The following FTCD variants were observed in gnomAD, a reference collection of about 807,000 sequenced individuals.
The protein encoded by FTCD is formimidoyltransferase-cyclodeaminase.
A neutral mutation model predicts 62.9 loss-of-function variants in FTCD; 76 were observed. That is an observed-to-expected ratio of 1.21 (90% confidence interval 1.00 to 1.46). The LOEUF (loss-of-function observed/expected upper bound fraction) is 1.46. Ranked by LOEUF, FTCD falls within the 40% of genes most tolerant of loss-of-function variation. The pLI is 0.00. For missense variants in FTCD, 845 were observed against 751.3 expected (o/e 1.12, Z -1.46); for synonymous variants, 397 against 336.9 (o/e 1.18, Z -1.95).
rs2079119158 is a variant in FTCD at position 46,145,500 on chromosome 21, G to C, written c.1177C>G (p.Arg393Gly). Residue 393 changes from arginine (R) to glycine (G), a missense_variant, in exon 10 of 14, where the codon CGC becomes GGC. Transcript: ENST00000397746. ...GCCTCGCGGAAGGGCGGGATCAGGC[G>C]CCGCATCGTCGTGTCCAGGGACTGG... ...QFQSLDTTMR[R>G]LIPPFREASA... 6.4e-7 allele frequency: 1 copy of C among 1,553,464 alleles called. No individual in the cohort carries two copies. Among genetic ancestry groups the C allele is most frequent in the African/African-American group, 1.4e-5 (1 of 73,258 alleles).
At chr21:46,138,699 T>C (rs558891006) in intron 11 of FTCD, 53 bp from the exon 12 acceptor site, 2 of 1,565,868 alleles carry the variant, frequency 1.3e-6, no homozygotes, top group Admixed American at 1.7e-5. Flanking sequence ...AGGCAGGCAG[T>C]GGACACACTG....
chr21:46,138,345 C>T (rs923161119), intron 12 of FTCD, among the ~76,000 whole-genome samples, 163 bp downstream of exon 12: 1 of 152,206 alleles, frequency 6.6e-6, no homozygotes, highest in African/African-American at 2.4e-5. Flanking sequence ...GCAGCGGACA[C>T]CCCGGCCCTG....
chr21:46,152,546 G>C (rs146723990), intron 3 of FTCD: 2 of 225,328 alleles, frequency 8.9e-6, no homozygotes, highest in Non-Finnish European at 1.8e-5. Context: ...GGTTGGTGCA[G>C]CCTAGGGGTG....
intron 7 of FTCD, chr21:46,146,758 C>T (rs1220233849): frequency 9.5e-6 from 2 of 210,852 alleles, no homozygotes; most frequent in Non-Finnish European, 1.9e-5. Flanking sequence ...GTCACCCACA[C>T]ATAAACTTGT....
chr21:46,151,393 C>G (rs1040004963), intron 5 of FTCD, among the ~76,000 whole-genome samples, 165 bp downstream of exon 5: 1 of 152,250 alleles, frequency 6.6e-6, no homozygotes, highest in Non-Finnish European at 1.5e-5. Flanking sequence ...CCTGCGCGGT[C>G]CCCGCACGGT....
At position 46,145,919 on chromosome 21, in the gene FTCD, G is replaced by A. The variant is rs1355632505; in HGVS notation, c.997C>T (p.Arg333Ter). Residue 333 changes from arginine (R) to a stop codon, truncating the protein, a stop_gained, in exon 9 of 14, where the codon CGA becomes TGA. Transcript: ENST00000397746. LOFTEE classifies it high-confidence loss of function. Reference sequence around the variant, plus strand: ...CGCAGGGACTTGCTGCCCAGGCCTCGCTCAGGCCCGCGCTCAGGGACCAGG... The same window carrying A: ...CGCAGGGACTTGCTGCCCAGGCCTCACTCAGGCCCGCGCTCAGGGACCAGG... Reference protein sequence around the residue: ...EYLVPERGPERGLGSKSLRAF... With the variant: ...EYLVPERGPE 4.0e-6 allele frequency: 6 copies of A among 1,501,288 alleles called. No homozygotes were observed. Among genetic ancestry groups the A allele is most frequent in the South Asian group, 2.5e-5 (2 of 80,808 alleles). 93.0% of individuals were successfully genotyped at this position (1,501,288 alleles called of 1,614,324 possible). A position where few individuals can be genotyped will look rare whatever the true frequency, so the allele number is the denominator to read the frequency against.
rs993297527 is a variant in FTCD, at chr21:46,137,196, G to A, written c.1539+43C>T. 9 of 1,579,366 alleles carry A rather than the reference G, an allele frequency of 5.7e-6. No individual in the cohort carries two copies. The African/African-American group carries it at 1.1e-4, about 19-fold the overall frequency. ...AATCACCCTGAGGCTGTGAATCCAG[G>A]CCCCCACGTGGGGTCCGGGCACCAC... On this transcript the variant is annotated intron_variant, in intron 13 of 13. Transcript: ENST00000397746.
At chr21:46,147,626 G>A (rs931827572) in intron 7 of FTCD, among the ~76,000 whole-genome samples, 2 of 152,134 alleles carry the variant, frequency 1.3e-5, no homozygotes, top group African/African-American at 2.4e-5. Context: ...CCGCAGGCAT[G>A]GGGCCCTTCA....
intron 11 of FTCD, 77 bp downstream of exon 11, chr21:46,138,803 C>T (rs1407415384): frequency 6.9e-7 from 1 of 1,445,278 alleles, no homozygotes; most frequent in Non-Finnish European, 9.7e-7. Flanking sequence ...CCCGTCACAG[C>T]ACCCAGGTAC....
Position 46,152,973 on chromosome 21 carries a change from C to T in FTCD, c.301G>A (p.Val101Met), listed in dbSNP as rs61735836. ...TGGGCGCAGAGCACACACTCATCCA[C>T]GCTGACGCCCCTCACGGGGATGAAG... ...CPFIPVRGVSVDECVLCAQAF... is the reference protein window; with the variant it reads ...CPFIPVRGVSMDECVLCAQAF... Residue 101 changes from valine (V) to methionine (M), a missense_variant, in exon 3 of 14, where the codon GTG becomes ATG. Coordinates refer to ENST00000397746, the MANE Select transcript of FTCD (RefSeq NM_206965.2). 0.049 allele frequency: 76,536 copies of T among 1,556,074 alleles called. 2,281 individuals are homozygous for T. The highest frequency in any genetic ancestry group is 0.14 in the East Asian group (5,869 of 41,850).
intron 5 of FTCD, 126 bp downstream of exon 5, chr21:46,151,432 G>A (rs969943054): frequency 2.3e-6 from 2 of 862,824 alleles, no homozygotes; most frequent in African/African-American, 3.4e-5. Flanking sequence ...CCGGTCTGCA[G>A]GTGGGAGGCC....
At position 46,154,344 on chromosome 21, in the gene FTCD, G is replaced by T. The variant is rs2079379110; in HGVS notation, c.55-12C>A. The T allele has an allele frequency of 1.2e-6, 2 of 1,606,260 alleles. No homozygotes were observed. Among genetic ancestry groups the T allele is most frequent in the Middle Eastern group, 2.2e-4 (1 of 4,620 alleles). ...ATGGCGTCGATCACCTGGGACACAG[G>T]CCCGGCCCCCACACCTCAGTCTCCC... On this transcript the variant is annotated splice_polypyrimidine_tract_variant and intron_variant, in intron 1 of 13. Transcript: ENST00000397746.
intron 7 of FTCD, among the ~76,000 whole-genome samples, chr21:46,149,096 G>A (rs2079209986): frequency 6.6e-6 from 1 of 152,156 alleles, no homozygotes; most frequent in Non-Finnish European, 1.5e-5. Context: ...CAAAATGCAA[G>A]CACTTGGAAA....
intron 7 of FTCD, chr21:46,146,570 C>A (rs556639383): frequency 1.3e-4 from 74 of 583,014 alleles, no homozygotes; most frequent in Non-Finnish European, 2.2e-4. Context: ...CCCTGAGTTG[C>A]CCTTGGGGAA....
At chr21:46,154,799 G>A (rs1177874738) in intron 1 of FTCD, among the ~76,000 whole-genome samples, 2 of 152,250 alleles carry the variant, frequency 1.3e-5, no homozygotes, top group Non-Finnish European at 2.9e-5. Context: ...ATCTTGCCCT[G>A]TCCCAGGGCC....
At chr21:46,148,427 C>A (rs1479723927) in intron 7 of FTCD, among the ~76,000 whole-genome samples, 2 of 152,110 alleles carry the variant, frequency 1.3e-5, no homozygotes, top group Non-Finnish European at 2.9e-5. Flanking sequence ...GAGTTTGAGA[C>A]CAGCCTGGGC....
chr21:46,146,267 C>A lies in FTCD; in HGVS notation c.967G>T (p.Glu323Ter), dbSNP rs374048282. 4 of 1,597,364 alleles carry A rather than the reference C, an allele frequency of 2.5e-6. No homozygotes were observed. The African/African-American group carries it at 5.4e-5, about 21-fold the overall frequency. The change falls in exon 8 of 14, where the codon GAG becomes TAG. Residue 323 changes from glutamate (E) to a stop codon, truncating the protein, a stop_gained and splice_region_variant. Transcript: ENST00000397746. LOFTEE classifies it high-confidence loss of function. ...GAGGGCGGGAGGGCAGAGGCTCACT[C>A]GATGATCCGCTCCTTAGGGCTGAAG... is the stretch of plus-strand genomic sequence containing the variant. The part of the protein sequence containing the change: ...CPFSPKERII[E>*]YLVPERGPER...
intron 10 of FTCD, among the ~76,000 whole-genome samples, chr21:46,141,127 C>T (rs2839126): frequency 0.43 from 60,251 of 140,516 alleles, 12,614 homozygotes; most frequent in South Asian, 0.64. Context: ...AAAATTGTTC[C>T]TATGTTTTAT....
intron 5 of FTCD, 40 bp downstream of exon 5, chr21:46,151,518 G>A: frequency 6.4e-7 from 1 of 1,570,006 alleles, no homozygotes; most frequent in Non-Finnish European, 8.8e-7. Context: ...CTTTCCCGAG[G>A]GGCTGGGTGG....
Sources: gnomAD v4.1 joint callset for allele counts (sites outside exome capture counted in the v4.1 genomes callset) on GRCh38, gnomAD v4.1.1 for gene constraint, MANE v1.5 for transcripts, NCBI Gene and HGNC (gene_info 2026-07-23, HGNC 2026-07-21) for gene names.